The following C12orf42 variants were observed in gnomAD, a reference collection of about 807,000 sequenced individuals.
The protein encoded by C12orf42 is chromosome 12 open reading frame 42, also known as uncharacterized protein C12orf42.
C12orf42 carries 25 observed loss-of-function variants against 21.6 expected under a neutral mutation model. That is an observed-to-expected ratio of 1.16 (90% CI 0.84 to 1.62). The LOEUF is 1.62. Ranked by LOEUF, C12orf42 falls within the 40% of genes most tolerant of loss-of-function variation. The pLI is 0.00. For missense variants in C12orf42, 483 were observed against 459.3 expected, an observed-to-expected ratio of 1.05 and a Z score of -0.47; for synonymous variants, 174 against 175.0, an observed-to-expected ratio of 0.99 and a Z score of 0.05.
chr12:103,230,740 C>A, the C12orf42 span, among the ~76,000 whole-genome samples: 5 of 152,156 alleles, frequency 3.3e-5, no homozygotes, highest in Admixed American at 2.6e-4. Context: ...TGTTAGTCTT[C>A]TAAAATAATT....
chr12:103,134,520 A>C, the C12orf42 span, among the ~76,000 whole-genome samples: 1 of 148,244 alleles, frequency 6.7e-6, no homozygotes, highest in Non-Finnish European at 1.5e-5. Flanking sequence ...AGAAGAAAGA[A>C]TTTCAGAACT....
chr12:103,455,838 C>A (rs534227306), intron 2 of C12orf42, among the ~76,000 whole-genome samples: 118 of 152,124 alleles, frequency 7.8e-4, no homozygotes, highest in Non-Finnish European at 1.3e-3. Context: ...TACAATATTC[C>A]TTTTTGCTCT....
intron 2 of C12orf42, among the ~76,000 whole-genome samples, chr12:103,453,516 A>T (rs1300070777): frequency 6.6e-6 from 1 of 151,946 alleles, no homozygotes; most frequent in Non-Finnish European, 1.5e-5. Flanking sequence ...CTTTTCAAAA[A>T]TCTAACTTTT....
At chr12:103,167,021 A>G in the C12orf42 span, among the ~76,000 whole-genome samples, 1 of 152,190 alleles carries the variant, frequency 6.6e-6, no homozygotes, top group African/African-American at 2.4e-5. Context: ...CTGTTATCCA[A>G]ATGTTCACGC....
the C12orf42 span, among the ~76,000 whole-genome samples, chr12:103,158,585 A>G: frequency 6.6e-6 from 1 of 152,180 alleles, no homozygotes; most frequent in African/African-American, 2.4e-5. Flanking sequence ...GTAAAAATAT[A>G]AAAATGGATT....
intron 4 of C12orf42, among the ~76,000 whole-genome samples, chr12:103,316,846 T>G (rs1431631877): frequency 2.0e-5 from 3 of 152,006 alleles, no homozygotes. Context: ...AATGAATCCC[T>G]CATCTCTCCA....
the C12orf42 span, among the ~76,000 whole-genome samples, chr12:103,508,854 G>GT: frequency 6.6e-6 from 1 of 152,206 alleles, no homozygotes; most frequent in African/African-American, 2.4e-5. Context: ...TTCCTCATCT[G>GT]TAAAAAGGTG....
the C12orf42 span, among the ~76,000 whole-genome samples, chr12:103,216,580 G>T: frequency 6.6e-6 from 1 of 151,742 alleles, no homozygotes; most frequent in African/African-American, 2.4e-5. Context: ...GGGTTTCACC[G>T]TGTTAGCCAG....
At chr12:103,470,280 T>C (rs1953488316) in intron 2 of C12orf42, among the ~76,000 whole-genome samples, 1 of 152,218 alleles carries the variant, frequency 6.6e-6, no homozygotes, top group Admixed American at 6.5e-5. Flanking sequence ...TTTTTAACCT[T>C]AACTTTTGGA....
chr12:103,113,407 T>C, the C12orf42 span, among the ~76,000 whole-genome samples: 1 of 152,106 alleles, frequency 6.6e-6, no homozygotes, highest in African/African-American at 2.4e-5. Flanking sequence ...TTCCTCAGCA[T>C]CTCTCAACCG....
At chr12:103,317,200 T>A (rs1382651092) in intron 4 of C12orf42, among the ~76,000 whole-genome samples, 2 of 152,204 alleles carry the variant, frequency 1.3e-5, no homozygotes, top group African/African-American at 4.8e-5. Flanking sequence ...GGAAGAGGCA[T>A]TTGTCATAGC....
intron 2 of C12orf42, among the ~76,000 whole-genome samples, chr12:103,449,409 A>T (rs1592862028): frequency 1.0e-5 from 1 of 99,866 alleles, no homozygotes; most frequent in African/African-American, 2.8e-5. Flanking sequence ...TGTGTGATGG[A>T]TGCACCAAAA....
chr12:103,245,091 G>A (rs1469522359), intron 10 of C12orf42, among the ~76,000 whole-genome samples: 3 of 152,082 alleles, frequency 2.0e-5, no homozygotes, highest in East Asian at 1.9e-4. Context: ...AATTGTTTAA[G>A]TAATCCCAGA....
chr12:103,195,455 T>A, the C12orf42 span, among the ~76,000 whole-genome samples: 2 of 152,148 alleles, frequency 1.3e-5, no homozygotes, highest in African/African-American at 2.4e-5. Context: ...TGCCAGCATC[T>A]GTTATTTTTT....
the C12orf42 span, among the ~76,000 whole-genome samples, chr12:103,231,708 T>C: frequency 6.6e-6 from 1 of 152,210 alleles, no homozygotes; most frequent in Non-Finnish European, 1.5e-5. Context: ...TATCTGTTCA[T>C]CTACTGAAAA....
the C12orf42 span, among the ~76,000 whole-genome samples, chr12:103,100,794 A>G: frequency 6.6e-6 from 1 of 152,198 alleles, no homozygotes. Flanking sequence ...GGCCATGTGG[A>G]GAGGCTTACA....
chr12:103,328,219 G>T (rs2040887161), intron 4 of C12orf42, among the ~76,000 whole-genome samples: 1 of 152,032 alleles, frequency 6.6e-6, no homozygotes, highest in African/African-American at 2.4e-5. Flanking sequence ...CTTATGGCCT[G>T]CCTTCAGATA....
the C12orf42 span, among the ~76,000 whole-genome samples, chr12:103,146,486 A>G: frequency 1.3e-5 from 2 of 150,876 alleles, no homozygotes; most frequent in Non-Finnish European, 3.0e-5. Flanking sequence ...TCTCAAAAAA[A>G]AAAAAAAAGA....
rs2038262628 is a variant in C12orf42, at chr12:103,305,993, G to T, written c.612C>A (p.Ser204Arg). ...RHTRPKGQPL[S>R]SPKKNSGSAA... ...ACTTACCAGAATTTTTCTTGGGACTGCTCAAGGGCTGGCCCTTAGGTCTTG... is the reference window on the plus strand; with the variant it reads ...ACTTACCAGAATTTTTCTTGGGACTTCTCAAGGGCTGGCCCTTAGGTCTTG... The change falls in exon 5 of 6, where the codon AGC becomes AGA. Residue 204 changes from serine to arginine, a missense_variant. Coordinates refer to ENST00000548883, the MANE Select transcript of C12orf42 (RefSeq NM_198521.5). 1.1e-5 allele frequency: 18 copies of T among 1,608,300 alleles called. No homozygotes were observed. The highest frequency in any genetic ancestry group is 1.5e-5 in the Non-Finnish European group (18 of 1,175,154).
Sources: allele counts gnomAD v4.1 joint callset (sites outside exome capture counted in the v4.1 genomes callset), GRCh38; gene constraint gnomAD v4.1.1; transcripts MANE v1.5; gene names NCBI Gene and HGNC (gene_info 2026-07-23, HGNC 2026-07-21).